UBE2E1: variants seen among roughly 807,000 people sequenced by gnomAD.
UBE2E1 encodes the protein ubiquitin-conjugating enzyme E2 E1.
In UBE2E1, 6 loss-of-function variants were observed where a neutral mutation model predicts 21.4. The ratio of observed to expected loss-of-function variants is 0.28; its 90% CI spans 0.15 to 0.55. The LOEUF (loss-of-function observed/expected upper bound fraction) is 0.55, where lower values mean the gene tolerates loss of function less well. Ranked by LOEUF, UBE2E1 falls within the 20% of genes least tolerant of loss-of-function variation. The pLI is 0.93. For synonymous variants in UBE2E1, 87 were observed against 82.7 expected (o/e 1.05, Z -0.28); for missense variants, 142 against 236.5 (o/e 0.60, Z 2.62).
In UBE2E1 at chr3:23,842,501, T is replaced by C. The variant is rs979731007; in HGVS notation, c.203+30991T>C. On this transcript the variant is annotated intron_variant, in intron 3 of 5. Transcript: ENST00000306627. The surrounding 1 kb of genome is among the most constrained non-coding windows in gnomAD (Gnocchi z 4.6). ...TTGAAGAATATACCTTTTTATTTTA[T>C]TATCATTTGCTATAAATATCACTAA... is the stretch of plus-strand genomic sequence containing the variant. 3.3e-5 allele frequency among the ~76,000 whole-genome samples: 5 copies of C among 152,168 alleles called. No individual in the cohort carries two copies. Among genetic ancestry groups the C allele is most frequent in the Admixed American group, 2.0e-4 (3 of 15,268 alleles).
At position 23,890,954 on chromosome 3, in the gene UBE2E1, C is replaced by T. The variant is rs1315982018; in HGVS notation, c.*348C>T. 6.0e-6 allele frequency: 1 copy of T among 166,010 alleles called. No individual in the cohort carries two copies. Among genetic ancestry groups the T allele is most frequent in the Non-Finnish European group, 1.3e-5 (1 of 77,206 alleles). 10.3% of individuals were successfully genotyped at this position (166,010 alleles called of 1,614,324 possible). On this transcript the variant is annotated 3_prime_UTR_variant, in exon 6 of 6. Coordinates refer to ENST00000306627, the MANE Select transcript of UBE2E1 (RefSeq NM_003341.5). ...ACATATGGCCATTTATGTAAAGTCC[C>T]TCTAAGACTACATACTTTTTGTTTA...
Position 23,806,998 on chromosome 3 carries a change from G to C in UBE2E1, c.-33-239G>C, listed in dbSNP as rs1396547898. ...CGGAGAGCCCCGGGGGGCGAGGGAG[G>C]GGCCTCTCTCCTAGCTCCAGACCGT... On this transcript the variant is annotated intron_variant, in intron 1 of 5. Transcript: ENST00000306627. The surrounding 1 kb of genome is among the most constrained non-coding windows in gnomAD (Gnocchi z 6.5). The C allele has an allele frequency of 3.3e-6, 1 of 303,520 alleles. No individual in the cohort carries two copies. The highest frequency in any genetic ancestry group is 6.0e-6 in the Non-Finnish European group (1 of 165,700). The allele number at this position is 303,520 out of a possible 1,614,324, so 18.8% of individuals were successfully genotyped here.
rs115589634 is a variant in UBE2E1 at position 23,834,449 on chromosome 3, C to T, written c.203+22939C>T. 4.1e-3 allele frequency among the ~76,000 whole-genome samples: 622 copies of T among 152,342 alleles called. 3 individuals carry two copies. The highest frequency in any genetic ancestry group is 6.7e-3 in the Non-Finnish European group (453 of 68,026). On this transcript the variant is annotated intron_variant, in intron 3 of 5. Transcript: ENST00000306627. ...CATCTTTCTCACATAACCTCTGTAG[C>T]ATGTCCCATTACTCTGTAGCTTTTC...
Position 23,823,690 on chromosome 3 carries a change from A to G in UBE2E1, c.203+12180A>G, listed in dbSNP as rs1423839779. 6.6e-6 allele frequency among the ~76,000 whole-genome samples: 1 copy of G among 152,244 alleles called. No homozygotes were observed. On this transcript the variant is annotated intron_variant, in intron 3 of 5. Transcript: ENST00000306627. The surrounding 1 kb of genome is among the most constrained non-coding windows in gnomAD (Gnocchi z 4.2). ...AACATTTGTTTTATTACAAGCACCC[A>G]GGAGGATTTTTTATAAACATGAAAG...
At chr3:23,848,889 T>C (rs184494422) in intron 3 of UBE2E1, among the ~76,000 whole-genome samples, 1 of 152,232 alleles carries the variant, frequency 6.6e-6, no homozygotes, top group South Asian at 2.1e-4. Flanking sequence ...ATGTGGTCTT[T>C]AGTGAGTGGC....
intron 3 of UBE2E1, among the ~76,000 whole-genome samples, chr3:23,850,078 G>A (rs550733962): frequency 1.9e-3 from 292 of 152,164 alleles, no homozygotes; most frequent in African/African-American, 6.2e-3. Flanking sequence ...TATTCTCATT[G>A]GAAAAATGTC....
At chr3:23,872,960 T>A (rs570699634) in intron 3 of UBE2E1, among the ~76,000 whole-genome samples, 1 of 151,628 alleles carries the variant, frequency 6.6e-6, no homozygotes, top group Non-Finnish European at 1.5e-5. Context: ...GAGGTTGCAG[T>A]GAGCCTAGAT....
rs755637580 is a variant in UBE2E1 at position 23,887,535 on chromosome 3, C to T, written c.204-32C>T. 1.9e-6 allele frequency: 3 copies of T among 1,588,262 alleles called. No homozygotes were observed. The highest frequency in any genetic ancestry group is 2.2e-5 in the East Asian group (1 of 44,608). ...ACTGTAAAAATTGGGATAGTGCCACCATCTGCTTATTTGTTGACGTATTAT... is the reference window on the plus strand; with the variant it reads ...ACTGTAAAAATTGGGATAGTGCCACTATCTGCTTATTTGTTGACGTATTAT... On this transcript the variant is annotated intron_variant, in intron 3 of 5. Coordinates refer to ENST00000306627, the MANE Select transcript of UBE2E1 (RefSeq NM_003341.5). This position sits in a 1 kb window ranked among gnomAD's most constrained non-coding sequence, Gnocchi z 4.4.
chr3:23,888,623 G>A (rs544782683), intron 4 of UBE2E1, among the ~76,000 whole-genome samples: 197 of 152,276 alleles, frequency 1.3e-3, no homozygotes, highest in African/African-American at 4.5e-3. Flanking sequence ...GTAACGGTCA[G>A]AAAAAAGCAG....
At chr3:23,837,578 A>G (rs772119505) in intron 3 of UBE2E1, among the ~76,000 whole-genome samples, 55 of 152,234 alleles carry the variant, frequency 3.6e-4, no homozygotes, top group Admixed American at 5.9e-4. Flanking sequence ...CCATTGGCTG[A>G]TTCCAATTTG....
At position 23,891,440 on chromosome 3, in the gene UBE2E1, T is replaced by C. The variant is rs911540077; in HGVS notation, c.*834T>C. The C allele has an allele frequency of 6.6e-6, 1 of 152,236 alleles. No individual in the cohort carries two copies. Among genetic ancestry groups the C allele is most frequent in the African/African-American group, 2.4e-5 (1 of 41,470 alleles). 9.4% of individuals were successfully genotyped at this position (152,236 alleles called of 1,614,324 possible). A position where few individuals can be genotyped will look rare whatever the true frequency, so the allele number is the denominator to read the frequency against. The stretch of plus-strand genomic sequence containing the variant: ...GCATATTTAGTAGGTATTAGTTAGT[T>C]ACCTATATTAGGATCTGTACTTTAC... On this transcript the variant is annotated 3_prime_UTR_variant, in exon 6 of 6. Transcript: ENST00000306627.
intron 3 of UBE2E1, among the ~76,000 whole-genome samples, chr3:23,849,325 T>C (rs1700273243): frequency 6.6e-6 from 1 of 152,170 alleles, no homozygotes; most frequent in African/African-American, 2.4e-5. Context: ...TTCTTTCTTT[T>C]TAAAAAAATT....
chr3:23,870,257 G>A lies in UBE2E1; in HGVS notation c.204-17310G>A, dbSNP rs751997718. ...GAGACAGACAGCTGCAGGATGAGAT[G>A]GGGGGCCGGGGGGACCATAGCTCCT... On this transcript the variant is annotated intron_variant, in intron 3 of 5. Transcript: ENST00000306627. This position sits in a 1 kb window ranked among gnomAD's most constrained non-coding sequence, Gnocchi z 4.2. 1.3e-5 allele frequency among the ~76,000 whole-genome samples: 2 copies of A among 152,150 alleles called. No individual in the cohort carries two copies. The highest frequency in any genetic ancestry group is 2.9e-5 in the Non-Finnish European group (2 of 68,026).
chr3:23,839,850 T>C (rs185085396), intron 3 of UBE2E1, among the ~76,000 whole-genome samples: 40 of 152,316 alleles, frequency 2.6e-4, no homozygotes, highest in Non-Finnish European at 4.9e-4. Context: ...CTGGCTACTT[T>C]TAAGAATTAC....
chr3:23,853,782 G>A lies in UBE2E1; in HGVS notation c.204-33785G>A, dbSNP rs1467831198. Among the ~76,000 whole-genome samples, 2 of 152,210 alleles carry A rather than the reference G, an allele frequency of 1.3e-5. No homozygotes were observed. The highest frequency in any genetic ancestry group is 3.9e-4 in the East Asian group (2 of 5,172). ...CCAGTGCTCAAAAATTCCTGGTGGT[G>A]GTTTTTCAGGGATACCACCCAGTGA... On this transcript the variant is annotated intron_variant, in intron 3 of 5. Coordinates refer to ENST00000306627, the MANE Select transcript of UBE2E1 (RefSeq NM_003341.5). The surrounding 1 kb of genome is among the most constrained non-coding windows in gnomAD (Gnocchi z 4.1).
At chr3:23,833,685 G>T (rs928211054) in intron 3 of UBE2E1, among the ~76,000 whole-genome samples, 2 of 152,228 alleles carry the variant, frequency 1.3e-5, no homozygotes, top group Non-Finnish European at 2.9e-5. Flanking sequence ...TGACTGTGAA[G>T]AAATGAGGTT....
At chr3:23,852,825 G>C (rs1177337354) in intron 3 of UBE2E1, among the ~76,000 whole-genome samples, 1 of 152,060 alleles carries the variant, frequency 6.6e-6, no homozygotes. Context: ...GGCTGGTCAC[G>C]AACTCCTGGG....
chr3:23,815,786 A>T (rs1218579305), intron 3 of UBE2E1, among the ~76,000 whole-genome samples: 1 of 152,250 alleles, frequency 6.6e-6, no homozygotes, highest in Non-Finnish European at 1.5e-5. Context: ...GCTAAAAAGT[A>T]TTCTTCCTTT....
intron 3 of UBE2E1, among the ~76,000 whole-genome samples, chr3:23,827,593 A>G (rs1171409751): frequency 6.6e-6 from 1 of 152,206 alleles, no homozygotes; most frequent in Non-Finnish European, 1.5e-5. Flanking sequence ...CTGGCCTTCA[A>G]AGCCTAACCA....
Sources: gnomAD v4.1 joint callset for allele counts (sites outside exome capture counted in the v4.1 genomes callset) on GRCh38, gnomAD v4.1.1 for gene constraint, Gnocchi (gnomAD v3.1) non-coding constraint, MANE v1.5 for transcripts, NCBI Gene and HGNC (gene_info 2026-07-23, HGNC 2026-07-21) for gene names.